The following PLEKHA5 variants were observed in gnomAD, a reference collection of about 807,000 sequenced individuals.
The protein encoded by PLEKHA5 is pleckstrin homology domain-containing family A member 5.
Under a neutral mutation model 181.9 loss-of-function variants are expected in PLEKHA5, and 55 were observed. That is an observed-to-expected ratio of 0.30 (90% CI 0.24 to 0.38). The LOEUF is 0.38. Ranked by LOEUF, PLEKHA5 falls within the 10% of genes least tolerant of loss-of-function variation. The pLI is 1.00. For missense variants in PLEKHA5, 1,432 were observed against 1,549.5 expected (o/e 0.92, Z 1.27); for synonymous variants, 535 against 529.4 (o/e 1.01, Z -0.15).
chr12:19,190,977 A>T (rs1213525627), intron 3 of PLEKHA5, among the ~76,000 whole-genome samples: 2 of 152,202 alleles, frequency 1.3e-5, no homozygotes, highest in South Asian at 4.1e-4. Flanking sequence ...GAGTGTGGTG[A>T]CTAATTAGTT....
intron 17 of PLEKHA5, 88 bp downstream of exon 17, chr12:19,320,144 G>C (rs2090256337): frequency 1.9e-6 from 1 of 515,136 alleles, no homozygotes; most frequent in Non-Finnish European, 3.3e-6. Context: ...CACATACACA[G>C]TGTGTGTTTA....
intron 3 of PLEKHA5, among the ~76,000 whole-genome samples, chr12:19,223,198 C>G (rs113930519): frequency 1.1e-3 from 168 of 152,078 alleles, no homozygotes; most frequent in Non-Finnish European, 2.1e-3. Flanking sequence ...CATTAACACA[C>G]TCTCTACCTC....
chr12:19,156,046 T>G (rs927451233), intron 3 of PLEKHA5, among the ~76,000 whole-genome samples: 1 of 152,188 alleles, frequency 6.6e-6, no homozygotes, highest in Non-Finnish European at 1.5e-5. Context: ...GAGAATTATT[T>G]GTGTTAAAAA....
chr12:19,350,495 G>C (rs1185239334), intron 25 of PLEKHA5, among the ~76,000 whole-genome samples: 1 of 152,214 alleles, frequency 6.6e-6, no homozygotes, highest in East Asian at 1.9e-4. Context: ...GGCCAGGCTT[G>C]GTGGCTCACG....
chr12:19,332,075 A>G (rs923692402), intron 20 of PLEKHA5, among the ~76,000 whole-genome samples: 7 of 152,164 alleles, frequency 4.6e-5, no homozygotes, highest in Non-Finnish European at 8.8e-5. Flanking sequence ...GCTTGAGCCC[A>G]GGAGTTCAAG....
chr12:19,166,500 C>T lies in PLEKHA5; in HGVS notation c.227+34050C>T, dbSNP rs959823105. ...ATCTTTCACACATTATTGATTATCACGCCTGAGTGATCTGCCACATCCCAA... is the reference window on the plus strand; with the variant it reads ...ATCTTTCACACATTATTGATTATCATGCCTGAGTGATCTGCCACATCCCAA... On this transcript the variant is annotated intron_variant, in intron 3 of 31. Transcript: ENST00000429027. Among the ~76,000 whole-genome samples the T allele has an allele frequency of 2.6e-5, 4 of 152,070 alleles. No homozygotes were observed. In the East Asian group the frequency reaches 5.8e-4, roughly 22 times the overall value.
chr12:19,217,420 A>G (rs904693108), intron 3 of PLEKHA5, among the ~76,000 whole-genome samples: 13 of 152,226 alleles, frequency 8.5e-5, no homozygotes, highest in Non-Finnish European at 1.5e-4. Flanking sequence ...TATATGTGAT[A>G]GGAGCTTGGC....
At chr12:19,227,155 A>G (rs546723259) in intron 3 of PLEKHA5, among the ~76,000 whole-genome samples, 1 of 152,110 alleles carries the variant, frequency 6.6e-6, no homozygotes, top group South Asian at 2.1e-4. Context: ...TTACATTTCC[A>G]TTGATTAAAT....
chr12:19,193,809 G>A (rs1003984527), intron 3 of PLEKHA5, among the ~76,000 whole-genome samples: 1 of 152,158 alleles, frequency 6.6e-6, no homozygotes, highest in East Asian at 1.9e-4. Flanking sequence ...TGCAAGGATG[G>A]TGCTGGCATT....
intron 3 of PLEKHA5, among the ~76,000 whole-genome samples, chr12:19,217,654 A>G (rs1565478828): frequency 6.6e-6 from 1 of 152,226 alleles, no homozygotes; most frequent in African/African-American, 2.4e-5. Flanking sequence ...GCGGAAGCCA[A>G]GAATGTAAAG....
intron 3 of PLEKHA5, among the ~76,000 whole-genome samples, chr12:19,246,842 T>C (rs1285328906): frequency 6.6e-6 from 1 of 152,106 alleles, no homozygotes; most frequent in African/African-American, 2.4e-5. Context: ...ATTGAATACT[T>C]TAGTTTCTTT....
intron 25 of PLEKHA5, among the ~76,000 whole-genome samples, chr12:19,350,659 C>T (rs561715116): frequency 3.1e-4 from 47 of 151,994 alleles, no homozygotes; most frequent in Non-Finnish European, 5.6e-4. Context: ...ATTCCAGCTA[C>T]TCGGGAGGCA....
intron 3 of PLEKHA5, among the ~76,000 whole-genome samples, chr12:19,161,735 G>C (rs1213165037): frequency 1.3e-5 from 2 of 152,180 alleles, no homozygotes; most frequent in African/African-American, 4.8e-5. Context: ...TCCAGGATTA[G>C]CAGATATTGA....
intron 3 of PLEKHA5, among the ~76,000 whole-genome samples, chr12:19,217,870 A>G (rs1395239064): frequency 6.6e-6 from 1 of 152,226 alleles, no homozygotes; most frequent in Non-Finnish European, 1.5e-5. Context: ...TTGAGGACTT[A>G]ACAATATTTA....
In PLEKHA5 at chr12:19,290,703, A is replaced by C. The variant is rs2078213237; in HGVS notation, c.1890A>C (p.Ile630=). The C allele has an allele frequency of 6.5e-7, 1 of 1,534,588 alleles. No individual in the cohort carries two copies. The highest frequency in any genetic ancestry group is 1.4e-5 in the African/African-American group (1 of 73,038). Residue 630 remains isoleucine, a synonymous_variant, in exon 14 of 32, where the codon ATA becomes ATC. Transcript: ENST00000429027. ...CAGAGGAGCTTACGCTGCTGCTAAT[A>C]AAGCTGAGACGGCAGCAAGCCGAAC... is the stretch of plus-strand genomic sequence containing the variant. ...KTPEELTLLL[I]KLRRQQAELS...
intron 3 of PLEKHA5, chr12:19,200,439 A>G (rs2053943153): frequency 1.3e-6 from 2 of 1,483,556 alleles, no homozygotes; most frequent in Non-Finnish European, 1.8e-6. Flanking sequence ...CTAGTTGACA[A>G]AACAGCATAT....
At chr12:19,190,590 T>C (rs540082288) in intron 3 of PLEKHA5, among the ~76,000 whole-genome samples, 5 of 152,346 alleles carry the variant, frequency 3.3e-5, no homozygotes, top group African/African-American at 1.2e-4. Context: ...AAAATTAACC[T>C]TGAAAGCCCA....
At position 19,148,451 on chromosome 12, in the gene PLEKHA5, CT is replaced by C. The variant is rs533442153; in HGVS notation, c.227+16002del. 3.2e-3 allele frequency among the ~76,000 whole-genome samples: 490 copies of C among 152,364 alleles called. 2 individuals carry two copies. The highest frequency in any genetic ancestry group is 0.011 in the African/African-American group (469 of 41,592). Reference sequence around the variant, plus strand: ...CTGCTGGCTGACACAGGCAGAGCCCCTGACCAGTAGTAGCCCCTGAACACAC... The same window carrying C: ...CTGCTGGCTGACACAGGCAGAGCCCCGACCAGTAGTAGCCCCTGAACACAC... On this transcript the variant is annotated intron_variant, in intron 3 of 31. Coordinates refer to ENST00000429027, the MANE Select transcript of PLEKHA5 (RefSeq NM_001256470.2).
chr12:19,141,358 A>G (rs1193696738), intron 3 of PLEKHA5, among the ~76,000 whole-genome samples: 1 of 152,216 alleles, frequency 6.6e-6, no homozygotes, highest in African/African-American at 2.4e-5. Flanking sequence ...TTGGCCTGCT[A>G]GTCTTCAGTC....
Sources: gnomAD v4.1 joint callset for allele counts (sites outside exome capture counted in the v4.1 genomes callset) on GRCh38, gnomAD v4.1.1 for gene constraint, MANE v1.5 for transcripts, NCBI Gene and HGNC (gene_info 2026-07-23, HGNC 2026-07-21) for gene names.